Variants in CCSER1 observed in about 807,000 individuals in gnomAD.
CCSER1 encodes the protein serine-rich coiled-coil domain-containing protein 1.
CCSER1 carries 41 observed loss-of-function variants against 82.0 expected under a neutral mutation model. The ratio of observed to expected loss-of-function variants is 0.50; its 90% confidence interval spans 0.39 to 0.65. The LOEUF (loss-of-function observed/expected upper bound fraction) is 0.65. CCSER1 is among the 30% of genes least tolerant of loss of function. CCSER1 has a pLI of 0.00. For missense variants in CCSER1, 1,119 were observed against 1,064.2 expected (o/e 1.05, Z -0.72); for synonymous variants, 414 against 383.9 (o/e 1.08, Z -0.92).
intron 1 of CCSER1, among the ~76,000 whole-genome samples, chr4:90,299,279 A>C (rs1732636334): frequency 6.6e-6 from 1 of 152,054 alleles, no homozygotes; most frequent in African/African-American, 2.4e-5. Flanking sequence ...AATCAGAGAC[A>C]GTCTGTCTTT....
chr4:90,399,212 C>CCTGCCTGTGCACTTCAGCACATT (rs1294578152), intron 3 of CCSER1, among the ~76,000 whole-genome samples: 2 of 152,034 alleles, frequency 1.3e-5, no homozygotes, highest in Non-Finnish European at 2.9e-5. Flanking sequence ...TTCAGCAATT[C>CCTGCCTGTGCACTTCAGCACATT]CTGCCTGTGC....
chr4:91,433,306 C>T (rs6824640), intron 10 of CCSER1, among the ~76,000 whole-genome samples: 94,925 of 151,954 alleles, frequency 0.62, 30,166 homozygotes, highest in East Asian at 0.89. Flanking sequence ...CCTAGTGACA[C>T]TGTGGCCATC....
chr4:91,343,161 T>A (rs1747827849), intron 10 of CCSER1, among the ~76,000 whole-genome samples: 1 of 152,100 alleles, frequency 6.6e-6, no homozygotes, highest in African/African-American at 2.4e-5. Context: ...TAACAGTTTT[T>A]CCTTTTTGCC....
chr4:91,133,870 G>A (rs947592830), intron 10 of CCSER1, among the ~76,000 whole-genome samples: 1 of 152,186 alleles, frequency 6.6e-6, no homozygotes, highest in African/African-American at 2.4e-5. Flanking sequence ...GGAGGCCGAG[G>A]CAGGCGGATC....
intron 10 of CCSER1, among the ~76,000 whole-genome samples, chr4:91,244,676 C>G (rs577461259): frequency 4.6e-5 from 7 of 152,074 alleles, no homozygotes; most frequent in Non-Finnish European, 7.3e-5. Context: ...GAGGGCAAGC[C>G]CAGAATGTGA....
intron 10 of CCSER1, among the ~76,000 whole-genome samples, chr4:91,506,341 T>C (rs976071427): frequency 1.2e-4 from 18 of 152,272 alleles, no homozygotes; most frequent in African/African-American, 4.3e-4. Context: ...CGTAGCCTTG[T>C]ATTCTAGTTT....
intron 7 of CCSER1, among the ~76,000 whole-genome samples, chr4:90,745,985 C>A (rs1020996105): frequency 3.9e-5 from 6 of 152,030 alleles, no homozygotes; most frequent in South Asian, 2.1e-4. Flanking sequence ...CAGGCGTGAG[C>A]CACCACGCCC....
intron 9 of CCSER1, among the ~76,000 whole-genome samples, chr4:91,008,699 T>G (rs1436523106): frequency 6.6e-6 from 1 of 152,206 alleles, no homozygotes; most frequent in African/African-American, 2.4e-5. Context: ...CCATTTATTT[T>G]CAAAGTAATT....
intron 7 of CCSER1, among the ~76,000 whole-genome samples, chr4:90,784,861 T>C (rs1561131077): frequency 2.0e-5 from 3 of 152,162 alleles, no homozygotes; most frequent in Non-Finnish European, 4.4e-5. Flanking sequence ...GAAAAGAAAA[T>C]GTTTTTAAGG....
intron 8 of CCSER1, among the ~76,000 whole-genome samples, chr4:90,881,301 GAGAC>G (rs757598948): frequency 4.0e-4 from 61 of 152,056 alleles, no homozygotes; most frequent in Non-Finnish European, 6.3e-4. Context: ...GGCAGAGACT[GAGAC>G]AGACAGACAG....
intron 9 of CCSER1, among the ~76,000 whole-genome samples, chr4:90,998,966 A>G (rs1005675681): frequency 3.3e-5 from 5 of 152,122 alleles, no homozygotes; most frequent in Admixed American, 1.3e-4. Context: ...GCTCCCACTT[A>G]TAAGTGAGGA....
At chr4:90,169,094 C>G (rs1375607102) in intron 1 of CCSER1, among the ~76,000 whole-genome samples, 1 of 151,966 alleles carries the variant, frequency 6.6e-6, no homozygotes, top group Non-Finnish European at 1.5e-5. Context: ...GATATTGATT[C>G]TTCCTACCCA....
At chr4:90,767,266 C>G (rs1249010655) in intron 7 of CCSER1, among the ~76,000 whole-genome samples, 1 of 151,984 alleles carries the variant, frequency 6.6e-6, no homozygotes, top group East Asian at 1.9e-4. Flanking sequence ...GTAGTGCAAC[C>G]ATTCACAGTT....
intron 9 of CCSER1, among the ~76,000 whole-genome samples, chr4:90,959,920 C>T (rs1292925099): frequency 2.0e-5 from 3 of 152,084 alleles, no homozygotes; most frequent in Admixed American, 6.6e-5. Context: ...GTTACTGCGT[C>T]TGCTTCAATC....
At chr4:90,843,315 C>T (rs987340745) in intron 8 of CCSER1, among the ~76,000 whole-genome samples, 3 of 152,004 alleles carry the variant, frequency 2.0e-5, no homozygotes, top group East Asian at 1.9e-4. Context: ...GTAATTCCTA[C>T]GGATTTTCAG....
intron 7 of CCSER1, among the ~76,000 whole-genome samples, chr4:90,738,571 A>G (rs1746030968): frequency 6.6e-6 from 1 of 152,118 alleles, no homozygotes; most frequent in Admixed American, 6.5e-5. Flanking sequence ...CCCAAAGCCA[A>G]CACAGCACTG....
intron 10 of CCSER1, among the ~76,000 whole-genome samples, chr4:91,579,347 G>A (rs933273912): frequency 6.6e-6 from 1 of 151,318 alleles, no homozygotes. Context: ...AGTGAACATT[G>A]TACCCAATTG....
intron 3 of CCSER1, among the ~76,000 whole-genome samples, chr4:90,348,468 C>G (rs1742814972): frequency 6.6e-6 from 1 of 152,060 alleles, no homozygotes. Flanking sequence ...ATTCTTATCT[C>G]AATAGGGCAA....
rs116728332 is a variant in CCSER1 at position 91,252,392 on chromosome 4, G to A, written c.2217+166398G>A. Among the ~76,000 whole-genome samples, 1,262 of 152,140 alleles carry A rather than the reference G, an allele frequency of 8.3e-3. 13 individuals carry two copies. Among genetic ancestry groups the A allele is most frequent in the African/African-American group, 0.028 (1,168 of 41,516 alleles). Reference sequence around the variant, plus strand: ...AAATAATAACTTAAAAATAAGATGTGTGAAAAAATAAAGATTTAAATAAAG... The same window carrying A: ...AAATAATAACTTAAAAATAAGATGTATGAAAAAATAAAGATTTAAATAAAG... On this transcript the variant is annotated intron_variant, in intron 10 of 10. Coordinates refer to ENST00000509176, the MANE Select transcript of CCSER1 (RefSeq NM_001145065.2).
Sources: gnomAD v4.1 joint callset for allele counts (sites outside exome capture counted in the v4.1 genomes callset) on GRCh38, gnomAD v4.1.1 for gene constraint, MANE v1.5 for transcripts, NCBI Gene and HGNC (gene_info 2026-07-23, HGNC 2026-07-21) for gene names.